FGF5: variants seen among roughly 807,000 people sequenced by gnomAD.
The protein encoded by FGF5 is fibroblast growth factor 5.
A neutral mutation model predicts 21.8 loss-of-function variants in FGF5; 23 were observed. The ratio of observed to expected loss-of-function variants is 1.05; its 90% confidence interval spans 0.76 to 1.49. The LOEUF (loss-of-function observed/expected upper bound fraction) is 1.49, where lower values mean the gene tolerates loss of function less well. FGF5 is among the 40% of genes most tolerant of loss of function. The probability of loss-of-function intolerance (pLI) is 0.00; values close to 1 mark genes in which losing one functional copy is unlikely to be tolerated. For missense variants in FGF5, 352 were observed against 332.9 expected (o/e 1.06, Z -0.45); for synonymous variants, 158 against 124.0 (o/e 1.27, Z -1.82).
chr4:80,270,209 A>G lies in FGF5; in HGVS notation c.355+3030A>G, dbSNP rs35640779. Among the ~76,000 whole-genome samples, 815 of 152,362 alleles carry G rather than the reference A, an allele frequency of 5.3e-3. 6 individuals are homozygous for G. Among genetic ancestry groups the G allele is most frequent in the African/African-American group, 0.017 (725 of 41,582 alleles). ...GTGAGTTAGTGATGATAGAAAACCTATTCTTTTTGTTACAACCCTGATACT... is the reference window on the plus strand; with the variant it reads ...GTGAGTTAGTGATGATAGAAAACCTGTTCTTTTTGTTACAACCCTGATACT... On this transcript the variant is annotated intron_variant, in intron 1 of 2. Transcript: ENST00000312465.
intron 2 of FGF5, among the ~76,000 whole-genome samples, chr4:80,278,965 C>T (rs1177971709): frequency 6.6e-6 from 1 of 152,206 alleles, no homozygotes; most frequent in African/African-American, 2.4e-5. Flanking sequence ...CCTGTACTCT[C>T]TTTCTCAACA....
chr4:80,288,655 T>C lies in FGF5; in HGVS notation c.*1983T>C, dbSNP rs995635068. 2 of 152,672 alleles carry C rather than the reference T, an allele frequency of 1.3e-5. No individual in the cohort carries two copies. The highest frequency in any genetic ancestry group is 3.9e-4 in the East Asian group (2 of 5,180). 9.5% of individuals were successfully genotyped at this position (152,672 alleles called of 1,614,324 possible). A position where few individuals can be genotyped will look rare whatever the true frequency, so the allele number is the denominator to read the frequency against. ...TATTGTGCACTGTATACCAAGTTCT[T>C]AGGGCACATGAAAAATTTTAGCTGC... On this transcript the variant is annotated 3_prime_UTR_variant, in exon 3 of 3. Transcript: ENST00000312465.
chr4:80,278,193 G>A (rs1379704), intron 2 of FGF5, among the ~76,000 whole-genome samples: 25,434 of 152,024 alleles, frequency 0.17, 3,105 homozygotes, highest in African/African-American at 0.35. Flanking sequence ...TAATATGTGC[G>A]TGAAAATATT....
At chr4:80,280,340 G>A (rs1720518129) in intron 2 of FGF5, among the ~76,000 whole-genome samples, 1 of 152,234 alleles carries the variant, frequency 6.6e-6, no homozygotes, top group Non-Finnish European at 1.5e-5. Context: ...AAATCTGGAT[G>A]TGATTGCCTT....
At chr4:80,269,601 C>T (rs879801784) in intron 1 of FGF5, among the ~76,000 whole-genome samples, 2 of 152,022 alleles carry the variant, frequency 1.3e-5, no homozygotes, top group Non-Finnish European at 2.9e-5. Flanking sequence ...AAAACAGTGC[C>T]GACAAAAAGC....
Position 80,287,706 on chromosome 4 carries a change from CAAACACTTAG to C in FGF5, c.*1038_*1047del, listed in dbSNP as rs1423481633. 6.6e-6 allele frequency: 1 copy of C among 152,118 alleles called. No individual in the cohort carries two copies. The highest frequency in any genetic ancestry group is 2.4e-5 in the African/African-American group (1 of 41,432). The allele number at this position is 152,118 out of a possible 1,614,324, so 9.4% of individuals were successfully genotyped here. ...TCCCACTGTATAGATCCACAGGGAG[CAAACACTTAG>C]AAATGATAGAGAACTGAAGGAGATC... On this transcript the variant is annotated 3_prime_UTR_variant, in exon 3 of 3. Coordinates refer to ENST00000312465, the MANE Select transcript of FGF5 (RefSeq NM_004464.4).
chr4:80,282,935 T>C, intron 2 of FGF5, among the ~76,000 whole-genome samples: 1 of 152,194 alleles, frequency 6.6e-6, no homozygotes, highest in Non-Finnish European at 1.5e-5. Flanking sequence ...GTATGTATTT[T>C]AGTACCTCTA....
chr4:80,286,240 T>C, intron 2 of FGF5, 85 bp from the exon 3 acceptor site: 1 of 927,150 alleles, frequency 1.1e-6, no homozygotes. Flanking sequence ...AAAATTATTG[T>C]TTTTTTTTCT....
chr4:80,285,048 T>C (rs17004870), intron 2 of FGF5, among the ~76,000 whole-genome samples: 15,162 of 152,176 alleles, frequency 0.1, 924 homozygotes, highest in African/African-American at 0.17. Flanking sequence ...CTTTCAAGTT[T>C]GATGAAAGCT....
Position 80,286,475 on chromosome 4 carries a change from C to T in FGF5, c.610C>T (p.Pro204Ser), listed in dbSNP as rs573054858. The T allele has an allele frequency of 8.6e-5, 139 of 1,613,776 alleles. No homozygotes were observed. Among genetic ancestry groups the T allele is most frequent in the Non-Finnish European group, 1.1e-4 (133 of 1,179,978 alleles). The change falls in exon 3 of 3, where the codon CCC becomes TCC. Residue 204 changes from proline to serine, a missense_variant. By Grantham distance (74) the Pro-to-Ser change is moderately conservative. Coordinates refer to ENST00000312465, the MANE Select transcript of FGF5 (RefSeq NM_004464.4). ...KRGKAKRGCS[P>S]RVKPQHISTH... ...AGGAAAAGCCAAACGAGGGTGCAGC[C>T]CCCGGGTTAAACCCCAGCATATCTC...
intron 2 of FGF5, 77 bp from the exon 3 acceptor site, chr4:80,286,248 T>TC (rs1720713126): frequency 2.1e-6 from 2 of 974,430 alleles, no homozygotes. Flanking sequence ...TGTTTTTTTT[T>TC]CTACAATACC....
chr4:80,282,337 C>T (rs1195371805), intron 2 of FGF5, among the ~76,000 whole-genome samples: 1 of 151,692 alleles, frequency 6.6e-6, no homozygotes, highest in African/African-American at 2.4e-5. Flanking sequence ...AAAAATAGTT[C>T]GATTTGTTTA....
intron 2 of FGF5, among the ~76,000 whole-genome samples, chr4:80,283,256 G>C (rs1361991836): frequency 6.6e-6 from 1 of 152,152 alleles, no homozygotes; most frequent in Non-Finnish European, 1.5e-5. Context: ...TGTGTGTACT[G>C]TGTAGATCCT....
Position 80,274,917 on chromosome 4 carries a change from GA to G in FGF5, c.367del (p.Ile123TyrfsTer9). The G allele has an allele frequency of 6.5e-7, 1 of 1,536,208 alleles. No homozygotes were observed. The highest frequency in any genetic ancestry group is 9.0e-7 in the Non-Finnish European group (1 of 1,115,684). ...GATTTCTGTCATCCTAGGTGTTTTGGAAATATTTGCTGTGTCTCAGGGGATT... is the reference window on the plus strand; with the variant it reads ...GATTTCTGTCATCCTAGGTGTTTTGGAATATTTGCTGTGTCTCAGGGGATT... ...SHEANMLSVL[E>X]IFAVSQGIVG... On this transcript the variant is annotated frameshift_variant, in exon 2 of 3. Transcript: ENST00000312465. LOFTEE classifies it high-confidence loss of function.
chr4:80,277,360 T>A (rs1357816551), intron 2 of FGF5, among the ~76,000 whole-genome samples: 1 of 152,142 alleles, frequency 6.6e-6, no homozygotes, highest in African/African-American at 2.4e-5. Context: ...AAGCCTATGA[T>A]TATGTGGATT....
At chr4:80,267,302 A>G in intron 1 of FGF5, 123 bp downstream of exon 1, 1 of 761,544 alleles carries the variant, frequency 1.3e-6, no homozygotes, top group Non-Finnish European at 2.1e-6. Context: ...GACCAAGCTG[A>G]TACTCAGAAA....
intron 1 of FGF5, among the ~76,000 whole-genome samples, chr4:80,269,604 C>CAAA (rs1019073896): frequency 3.9e-5 from 6 of 152,162 alleles, no homozygotes; most frequent in Non-Finnish European, 7.3e-5. Flanking sequence ...ACAGTGCCGA[C>CAAA]AAAAAGCTTA....
rs963182680 is a variant in FGF5, at chr4:80,275,028, T to A, written c.459+16T>A. 4 of 1,093,372 alleles carry A rather than the reference T, an allele frequency of 3.7e-6. No individual in the cohort carries two copies. In the African/African-American group the frequency reaches 6.4e-5, roughly 17 times the overall value. 67.7% of individuals were successfully genotyped at this position (1,093,372 alleles called of 1,614,324 possible). On this transcript the variant is annotated intron_variant, in intron 2 of 2. Transcript: ENST00000312465. ...CCATGCAAGTGTAAGTAGAACCACT[T>A]TATATTTGTTAAAGGTGCTATAAAG...
chr4:80,268,540 C>T, intron 1 of FGF5: 1 of 986,110 alleles, frequency 1.0e-6, no homozygotes, highest in Middle Eastern at 5.2e-4. Flanking sequence ...CCAGCAGTCT[C>T]CAGAGGGGGG....
Sources: allele counts gnomAD v4.1 joint callset (sites outside exome capture counted in the v4.1 genomes callset), GRCh38; gene constraint gnomAD v4.1.1; transcripts MANE v1.5; gene names NCBI Gene and HGNC (gene_info 2026-07-23, HGNC 2026-07-21).